Variants in AGBL4 observed in about 807,000 individuals in gnomAD.
The protein encoded by AGBL4 is AGBL carboxypeptidase 4, also known as cytosolic carboxypeptidase 6.
A neutral mutation model predicts 66.4 loss-of-function variants in AGBL4; 58 were observed. That is an observed-to-expected ratio of 0.87 (90% CI 0.71 to 1.09). The LOEUF is 1.09. AGBL4 is among the 50% of genes least tolerant of loss of function. AGBL4 has a pLI of 0.00. For missense variants in AGBL4, 579 were observed against 631.0 expected (o/e 0.92, Z 0.88); for synonymous variants, 234 against 222.9 (o/e 1.05, Z -0.44).
At chr1:49,489,874 G>A (rs944855014) in intron 3 of AGBL4, among the ~76,000 whole-genome samples, 8 of 151,556 alleles carry the variant, frequency 5.3e-5, no homozygotes, top group Admixed American at 1.3e-4. Context: ...CTTTTCTATC[G>A]GTTTATGTGT....
At chr1:49,435,385 T>C (rs1645881965) in intron 3 of AGBL4, among the ~76,000 whole-genome samples, 1 of 152,228 alleles carries the variant, frequency 6.6e-6, no homozygotes, top group Non-Finnish European at 1.5e-5. Context: ...CAGAGATTTA[T>C]ATTTTTTTCC....
intron 3 of AGBL4, among the ~76,000 whole-genome samples, chr1:49,423,318 T>C (rs1645585271): frequency 6.6e-6 from 1 of 152,182 alleles, no homozygotes; most frequent in South Asian, 2.1e-4. Flanking sequence ...TTTAGCAGGA[T>C]GCTGGCAGAG....
intron 6 of AGBL4, among the ~76,000 whole-genome samples, chr1:48,811,485 C>T (rs775011065): frequency 1.3e-5 from 2 of 152,212 alleles, no homozygotes; most frequent in Non-Finnish European, 2.9e-5. Context: ...TTCAAATGTT[C>T]TGGTCTGATA....
intron 1 of AGBL4, among the ~76,000 whole-genome samples, chr1:49,919,139 A>G (rs1288313163): frequency 1.3e-5 from 2 of 152,116 alleles, no homozygotes; most frequent in Non-Finnish European, 2.9e-5. Context: ...TACTCAATGG[A>G]CAAAAACTGG....
chr1:49,085,204 C>T (rs1396983225), intron 4 of AGBL4, among the ~76,000 whole-genome samples: 1 of 152,010 alleles, frequency 6.6e-6, no homozygotes, highest in Non-Finnish European at 1.5e-5. Flanking sequence ...ACATCCATCT[C>T]CTCCTGCCTT....
rs1314334087 is a variant in AGBL4 at position 48,862,398 on chromosome 1, T to G, written c.634+4793A>C. On this transcript the variant is annotated intron_variant, in intron 6 of 13. Transcript: ENST00000371839. ...TTCAGGCTGGGTGATCTCCGCTCAC[T>G]GCAAGCTCTGCCTCCCAGGTTCACG... 2.0e-5 allele frequency among the ~76,000 whole-genome samples: 3 copies of G among 152,228 alleles called. No individual in the cohort carries two copies. In the East Asian group the frequency reaches 5.8e-4, roughly 29 times the overall value.
At chr1:48,542,611 CAT>C (rs1644092635) in intron 11 of AGBL4, among the ~76,000 whole-genome samples, 1 of 152,116 alleles carries the variant, frequency 6.6e-6, no homozygotes, top group Non-Finnish European at 1.5e-5. Context: ...AGCTTTTTTT[CAT>C]ATGTTTGTCA....
At chr1:49,129,455 C>A (rs578017462) in intron 4 of AGBL4, among the ~76,000 whole-genome samples, 1 of 150,972 alleles carries the variant, frequency 6.6e-6, no homozygotes, top group African/African-American at 2.4e-5. Context: ...TAATGCTATC[C>A]CTCCCACCTC....
At chr1:48,815,658 T>C (rs1646156053) in intron 6 of AGBL4, among the ~76,000 whole-genome samples, 1 of 152,194 alleles carries the variant, frequency 6.6e-6, no homozygotes, top group Non-Finnish European at 1.5e-5. Context: ...TCAGTATCTA[T>C]AGAGCACCTG....
chr1:48,589,362 C>G (rs1030172614), intron 10 of AGBL4, among the ~76,000 whole-genome samples: 2 of 152,218 alleles, frequency 1.3e-5, no homozygotes, highest in Admixed American at 1.3e-4. Flanking sequence ...AATTCATCAT[C>G]TCCACTAATG....
intron 3 of AGBL4, among the ~76,000 whole-genome samples, chr1:49,494,548 G>A (rs1647357832): frequency 6.6e-6 from 1 of 151,866 alleles, no homozygotes; most frequent in African/African-American, 2.4e-5. Flanking sequence ...TCTTGCGATA[G>A]TTTACTGAGA....
chr1:49,654,294 T>C (rs1212876446), intron 3 of AGBL4, among the ~76,000 whole-genome samples: 1 of 152,224 alleles, frequency 6.6e-6, no homozygotes, highest in Non-Finnish European at 1.5e-5. Context: ...AGAGACAGTT[T>C]GTTATAATTT....
At chr1:49,749,484 A>T (rs992886645) in intron 2 of AGBL4, among the ~76,000 whole-genome samples, 2 of 152,222 alleles carry the variant, frequency 1.3e-5, no homozygotes, top group Non-Finnish European at 2.9e-5. Context: ...TGCTATTTAC[A>T]TAGATTTTTC....
At chr1:49,128,385 A>G (rs1216341671) in intron 4 of AGBL4, among the ~76,000 whole-genome samples, 2 of 152,100 alleles carry the variant, frequency 1.3e-5, no homozygotes, top group Non-Finnish European at 2.9e-5. Context: ...AGCAATGCAA[A>G]GAAACTAGAA....
At chr1:48,758,984 A>G in intron 6 of AGBL4, 3 of 1,613,120 alleles carry the variant, frequency 1.9e-6, no homozygotes, top group Non-Finnish European at 2.5e-6. Flanking sequence ...AGTGCCCCGT[A>G]CTCCTTGAGC....
At chr1:49,845,833 G>A (rs557613221) in intron 2 of AGBL4, 38 of 1,496,760 alleles carry the variant, frequency 2.5e-5, no homozygotes, top group South Asian at 5.7e-5. Context: ...GAAGCCGTTC[G>A]ACTGCAGTCA....
At chr1:49,867,705 A>G (rs1220269752) in intron 1 of AGBL4, among the ~76,000 whole-genome samples, 1 of 152,164 alleles carries the variant, frequency 6.6e-6, no homozygotes, top group Non-Finnish European at 1.5e-5. Flanking sequence ...TCTGCCTTGC[A>G]AGAGGTCCTG....
At chr1:49,555,813 T>A (rs1318008000) in intron 3 of AGBL4, among the ~76,000 whole-genome samples, 1 of 151,628 alleles carries the variant, frequency 6.6e-6, no homozygotes, top group African/African-American at 2.4e-5. Flanking sequence ...GAAATGCAAA[T>A]CAAAACCACA....
At chr1:48,940,374 A>G (rs1351501314) in intron 5 of AGBL4, among the ~76,000 whole-genome samples, 3 of 152,126 alleles carry the variant, frequency 2.0e-5, no homozygotes, top group African/African-American at 7.2e-5. Context: ...GTGAGACTCC[A>G]TCTCAAGAAA....
Sources: allele counts gnomAD v4.1 joint callset (sites outside exome capture counted in the v4.1 genomes callset), GRCh38; gene constraint gnomAD v4.1.1; transcripts MANE v1.5; gene names NCBI Gene and HGNC (gene_info 2026-07-23, HGNC 2026-07-21).